Variants in RORA observed in about 807,000 individuals in gnomAD.
RORA encodes nuclear receptor ROR-alpha.
In RORA, 7 loss-of-function variants were observed where a neutral mutation model predicts 69.5. That is an observed-to-expected ratio of 0.10 (90% CI 0.06 to 0.19). The LOEUF (loss-of-function observed/expected upper bound fraction) is 0.19, where lower values mean the gene tolerates loss of function less well. RORA is among the 10% of genes least tolerant of loss of function. The pLI is 1.00. For missense variants in RORA, 457 were observed against 663.0 expected, an observed-to-expected ratio of 0.69 and a Z score of 3.41; for synonymous variants, 261 against 240.8, an observed-to-expected ratio of 1.08 and a Z score of -0.78.
chr15:61,035,838 C>T lies in RORA; in HGVS notation c.166+193215G>A, dbSNP rs376989145. On this transcript the variant is annotated intron_variant, in intron 1 of 10. Coordinates refer to ENST00000335670, the MANE Select transcript of RORA (RefSeq NM_134261.3). ...AGAGAGATACAGAGAAAAGAGGATA[C>T]AGCGAAAAATCTATTAACCCATAGG... Among the ~76,000 whole-genome samples the T allele has an allele frequency of 3.0e-4, 45 of 152,254 alleles. 2 individuals carry two copies. In the South Asian group the frequency reaches 6.8e-3, roughly 23 times the overall value.
chr15:60,858,108 G>T (rs1221331352), intron 1 of RORA, among the ~76,000 whole-genome samples: 1 of 152,218 alleles, frequency 6.6e-6, no homozygotes, highest in African/African-American at 2.4e-5. Context: ...TTATTGCAGG[G>T]CCTGTTGCCC....
Position 60,953,913 on chromosome 15 carries a change from A to T in RORA, c.166+275140T>A, listed in dbSNP as rs1289695866. On this transcript the variant is annotated intron_variant, in intron 1 of 10. Transcript: ENST00000335670. ...TCCTCAGGGATCTAGAACTAGAAAT[A>T]CCATTTGACCCAGCCATCCCATTAC... Among the ~76,000 whole-genome samples, 6 of 150,668 alleles carry T rather than the reference A, an allele frequency of 4.0e-5. No homozygotes were observed. In the East Asian group the frequency reaches 1.0e-3, roughly 25 times the overall value.
Position 60,511,413 on chromosome 15 carries a change from C to T in RORA, c.633G>A (p.Gly211=), listed in dbSNP as rs867793477. The T allele has an allele frequency of 5.0e-6, 8 of 1,614,098 alleles. No individual in the cohort carries two copies. Among genetic ancestry groups the T allele is most frequent in the African/African-American group, 1.3e-5 (1 of 74,916 alleles). Residue 211 remains glycine, a synonymous_variant, in exon 5 of 11, where the codon GGG becomes GGA. Coordinates refer to ENST00000335670, the MANE Select transcript of RORA (RefSeq NM_134261.3). This position sits in a 1 kb window ranked among gnomAD's most constrained non-coding sequence, Gnocchi z 6.4. ...TGCTGACGGCGGAGTCTGCCTTACTCCCCTCAGGGGTGTGCCCGTCAATGT... is the reference window on the plus strand; with the variant it reads ...TGCTGACGGCGGAGTCTGCCTTACTTCCCTCAGGGGTGTGCCCGTCAATGT... ...SNYIDGHTPE[G]SKADSAVSSF... is the part of the protein sequence containing the mutation.
At chr15:60,980,819 A>G (rs545601854) in intron 1 of RORA, among the ~76,000 whole-genome samples, 74 of 152,184 alleles carry the variant, frequency 4.9e-4, no homozygotes, top group Non-Finnish European at 9.3e-4. Context: ...CTTTTCAAAT[A>G]ACCAACTTTT....
chr15:60,787,021 A>T (rs995095479), intron 1 of RORA, among the ~76,000 whole-genome samples: 2 of 152,234 alleles, frequency 1.3e-5, no homozygotes, highest in Non-Finnish European at 2.9e-5. Flanking sequence ...GAAGATACCT[A>T]AGACTTTCAG....
chr15:60,570,460 A>G (rs1394598752), intron 2 of RORA, among the ~76,000 whole-genome samples: 1 of 152,078 alleles, frequency 6.6e-6, no homozygotes, highest in Non-Finnish European at 1.5e-5. Context: ...TCTCCTGAGT[A>G]GCTGGGACTA....
chr15:60,770,353 G>A (rs2072055598), intron 1 of RORA, among the ~76,000 whole-genome samples: 1 of 152,088 alleles, frequency 6.6e-6, no homozygotes, highest in African/African-American at 2.4e-5. Context: ...ATACAGGCAG[G>A]TGTGGAAAGC....
intron 1 of RORA, among the ~76,000 whole-genome samples, chr15:60,938,138 G>A (rs891747543): frequency 6.6e-6 from 1 of 152,034 alleles, no homozygotes; most frequent in Non-Finnish European, 1.5e-5. Context: ...TGATTTTTGA[G>A]GGCCAAAAAG....
At chr15:61,019,341 C>T (rs1895420185) in intron 1 of RORA, among the ~76,000 whole-genome samples, 1 of 152,214 alleles carries the variant, frequency 6.6e-6, no homozygotes, top group Non-Finnish European at 1.5e-5. Context: ...TCATCATGCC[C>T]TTTCTTTAAA....
At chr15:60,943,375 G>A (rs1262854177) in intron 1 of RORA, among the ~76,000 whole-genome samples, 1 of 150,196 alleles carries the variant, frequency 6.7e-6, no homozygotes, top group Non-Finnish European at 1.5e-5. Flanking sequence ...ATCTTGTTCT[G>A]GCTCTTGTAG....
intron 1 of RORA, among the ~76,000 whole-genome samples, chr15:60,690,097 G>A (rs534379832): frequency 6.6e-6 from 1 of 152,328 alleles, no homozygotes; most frequent in South Asian, 2.1e-4. Flanking sequence ...AATGTTATGA[G>A]TGTAAGGTGT....
intron 1 of RORA, among the ~76,000 whole-genome samples, chr15:61,058,273 A>C (rs2078123403): frequency 6.6e-6 from 1 of 152,142 alleles, no homozygotes; most frequent in Admixed American, 6.5e-5. Context: ...AGGCAGAAGA[A>C]AGCTAGAGTT....
intron 1 of RORA, among the ~76,000 whole-genome samples, chr15:60,784,389 C>T (rs1289694536): frequency 1.3e-5 from 2 of 152,146 alleles, no homozygotes; most frequent in Non-Finnish European, 1.5e-5. Context: ...TCTGGACATT[C>T]CAATTGGGTC....
chr15:61,204,027 T>C (rs955773132), intron 1 of RORA, among the ~76,000 whole-genome samples: 3 of 152,242 alleles, frequency 2.0e-5, no homozygotes, highest in Admixed American at 6.5e-5. Context: ...GTACCCACTA[T>C]GTGCCAGCCT....
chr15:60,917,760 C>T (rs1267947733), intron 1 of RORA, among the ~76,000 whole-genome samples: 2 of 152,164 alleles, frequency 1.3e-5, no homozygotes, highest in Non-Finnish European at 2.9e-5. Flanking sequence ...GCGTGTAATC[C>T]CTTTCCCTCA....
intron 1 of RORA, among the ~76,000 whole-genome samples, chr15:60,992,157 A>C (rs1894399373): frequency 6.6e-6 from 1 of 152,216 alleles, no homozygotes; most frequent in Non-Finnish European, 1.5e-5. Flanking sequence ...CAAACAAGGA[A>C]GAAAAATGGA....
intron 1 of RORA, among the ~76,000 whole-genome samples, chr15:61,189,224 T>C (rs960088750): frequency 6.6e-6 from 1 of 152,324 alleles, no homozygotes; most frequent in East Asian, 1.9e-4. Context: ...TTTACATTCA[T>C]GATAGACATT....
chr15:61,086,256 C>T (rs1014954338), intron 1 of RORA, among the ~76,000 whole-genome samples: 4 of 152,160 alleles, frequency 2.6e-5, no homozygotes, highest in East Asian at 3.9e-4. Flanking sequence ...TGGCCTGGTG[C>T]GAAAGAGCAA....
chr15:60,516,691 C>G (rs554550047), intron 3 of RORA, among the ~76,000 whole-genome samples: 1 of 151,972 alleles, frequency 6.6e-6, no homozygotes, highest in East Asian at 1.9e-4. Flanking sequence ...TTTTAAAAAG[C>G]CTACCCACTG....
Sources: gnomAD v4.1 joint callset for allele counts (sites outside exome capture counted in the v4.1 genomes callset) on GRCh38, gnomAD v4.1.1 for gene constraint, Gnocchi (gnomAD v3.1) non-coding constraint, MANE v1.5 for transcripts, NCBI Gene and HGNC (gene_info 2026-07-23, HGNC 2026-07-21) for gene names.